The following RANBP2 variants were observed in gnomAD, a reference collection of about 807,000 sequenced individuals.
RANBP2 encodes the protein RAN binding protein 2.
Under a neutral mutation model 303.6 loss-of-function variants are expected in RANBP2, and 57 were observed. The ratio of observed to expected loss-of-function variants is 0.19; its 90% CI spans 0.15 to 0.23. The LOEUF is 0.23. Ranked by LOEUF, RANBP2 falls within the 10% of genes least tolerant of loss-of-function variation. The pLI is 1.00. For synonymous variants in RANBP2, 1,167 were observed against 1,301.5 expected (o/e 0.90, Z 2.23); for missense variants, 3,138 against 3,780.8 (o/e 0.83, Z 4.46).
At chr2:109,437,059 C>T in the RANBP2 span, 8 of 1,613,440 alleles carry the variant, frequency 5.0e-6, no homozygotes, top group South Asian at 1.1e-5. Context: ...CCACGCCCAG[C>T]ACCCCACAGC....
At chr2:109,693,371 A>C in the RANBP2 span, among the ~76,000 whole-genome samples, 1 of 151,824 alleles carries the variant, frequency 6.6e-6, no homozygotes, top group Non-Finnish European at 1.5e-5. Context: ...ACGGGGTTTC[A>C]CTGTGTGGCC....
At chr2:109,163,862 C>T in the RANBP2 span, among the ~76,000 whole-genome samples, 1 of 152,290 alleles carries the variant, frequency 6.6e-6, no homozygotes, top group African/African-American at 2.4e-5. Flanking sequence ...CTATTACCAA[C>T]TATTTGTGGT....
chr2:109,455,446 G>C, the RANBP2 span, among the ~76,000 whole-genome samples: 3 of 152,222 alleles, frequency 2.0e-5, no homozygotes, highest in African/African-American at 7.2e-5. Context: ...CAGCAGCAAG[G>C]CCTGGTCTGG....
rs371399131 is a variant in RANBP2 at position 108,719,628 on chromosome 2, G to C, written c.22G>C (p.Val8Leu). The part of the protein sequence containing the change: MRRSKAD[V>L]ERYIASVQGS... ...CGCGATGAGGCGCAGCAAGGCTGAC[G>C]TGGAGCGGTACATCGCCTCGGTGCA... is the stretch of plus-strand genomic sequence containing the variant. Residue 8 changes from valine to leucine, a missense_variant, in exon 1 of 29, where the codon GTG becomes CTG. Val to Leu is a conservative substitution (Grantham distance 32, BLOSUM62 1). Coordinates refer to ENST00000283195, the MANE Select transcript of RANBP2 (RefSeq NM_006267.5). 6.2e-7 allele frequency: 1 copy of C among 1,607,918 alleles called. No homozygotes were observed. Among genetic ancestry groups the C allele is most frequent in the African/African-American group, 1.3e-5 (1 of 74,820 alleles).
At chr2:109,097,908 C>A in the RANBP2 span, among the ~76,000 whole-genome samples, 5 of 152,114 alleles carry the variant, frequency 3.3e-5, no homozygotes, top group African/African-American at 1.2e-4. Context: ...TCCTGTCTCA[C>A]CACGGATGGA....
At chr2:109,114,065 A>G in the RANBP2 span, among the ~76,000 whole-genome samples, 1 of 152,172 alleles carries the variant, frequency 6.6e-6, no homozygotes, top group South Asian at 2.1e-4. Flanking sequence ...TTTTGCATCA[A>G]TGTTCATCAA....
chr2:109,677,056 C>T, the RANBP2 span, among the ~76,000 whole-genome samples: 3 of 152,162 alleles, frequency 2.0e-5, no homozygotes, highest in Admixed American at 6.6e-5. Context: ...GTTTGACACC[C>T]GATGGGCAGA....
At chr2:108,722,604 T>C (rs1694356275) in intron 1 of RANBP2, among the ~76,000 whole-genome samples, 1 of 145,280 alleles carries the variant, frequency 6.9e-6, no homozygotes, top group African/African-American at 2.8e-5. Context: ...AGTCTTCTCT[T>C]GTTTTGCCAT....
At chr2:109,659,386 C>CA in the RANBP2 span, among the ~76,000 whole-genome samples, 2 of 151,990 alleles carry the variant, frequency 1.3e-5, no homozygotes, top group South Asian at 4.2e-4. Context: ...AAAACACACA[C>CA]AAAAAAACAA....
rs1341546483 is a variant in RANBP2 at position 108,784,665 on chromosome 2, A to G, written c.*764A>G. The G allele has an allele frequency of 6.6e-6, 1 of 152,614 alleles. No individual in the cohort carries two copies. Among genetic ancestry groups the G allele is most frequent in the Non-Finnish European group, 1.5e-5 (1 of 68,030 alleles). The allele number at this position is 152,614 out of a possible 1,614,324, so 9.5% of individuals were successfully genotyped here. On this transcript the variant is annotated 3_prime_UTR_variant, in exon 29 of 29. Coordinates refer to ENST00000283195, the MANE Select transcript of RANBP2 (RefSeq NM_006267.5). ...TGAATTTTTCCTTGTAGTTATTGTG[A>G]TAAAGTATGAATATTTTTAGAAAGT...
the RANBP2 span, among the ~76,000 whole-genome samples, chr2:109,179,003 ATGTGTGTGTGTGTG>A: frequency 7.0e-6 from 1 of 142,066 alleles, no homozygotes; most frequent in East Asian, 2.0e-4. Context: ...AAGTATAATA[ATGTGTGTGTGTGTG>A]TGTGTGTGTG....
the RANBP2 span, among the ~76,000 whole-genome samples, chr2:109,181,104 TGAG>T: frequency 4.2e-4 from 64 of 152,240 alleles, no homozygotes; most frequent in South Asian, 6.2e-4. Flanking sequence ...GTGGAGGTGG[TGAG>T]GAGAAGTGAT....
the RANBP2 span, among the ~76,000 whole-genome samples, chr2:109,032,671 C>T: frequency 9.9e-5 from 15 of 152,158 alleles, no homozygotes; most frequent in African/African-American, 1.4e-4. Flanking sequence ...CACAGTCGGG[C>T]CACCTCTCAC....
chr2:109,070,434 C>T, the RANBP2 span, among the ~76,000 whole-genome samples: 1 of 152,028 alleles, frequency 6.6e-6, no homozygotes, highest in Non-Finnish European at 1.5e-5. Context: ...AAATGTGATG[C>T]TCAGTGTTGG....
rs367912988 is a variant in RANBP2, at chr2:108,755,163, T to C, written c.2383-13T>C. On this transcript the variant is annotated splice_polypyrimidine_tract_variant and intron_variant, in intron 16 of 28. Coordinates refer to ENST00000283195, the MANE Select transcript of RANBP2 (RefSeq NM_006267.5). ...GTTTTAAATGCTGTTTTGTTATTTT[T>C]ATTTTTTTTTAGTATTCTCCCAAAA... 3.1e-6 allele frequency: 5 copies of C among 1,611,698 alleles called. No homozygotes were observed. In the African/African-American group the frequency reaches 5.4e-5, roughly 17 times the overall value.
chr2:109,670,041 G>A, the RANBP2 span, among the ~76,000 whole-genome samples: 53 of 152,250 alleles, frequency 3.5e-4, no homozygotes, highest in African/African-American at 1.1e-3. Context: ...GCAGTGAGGC[G>A]AGCCACGATG....
chr2:109,243,004 G>C, the RANBP2 span, among the ~76,000 whole-genome samples: 2 of 152,258 alleles, frequency 1.3e-5, no homozygotes, highest in African/African-American at 4.8e-5. Flanking sequence ...TATTCTGAGT[G>C]TTTGAGACTA....
At chr2:108,910,987 G>A in the RANBP2 span, 3 of 1,614,174 alleles carry the variant, frequency 1.9e-6, no homozygotes, top group African/African-American at 4.0e-5. Context: ...AGAACATGAT[G>A]ATGAGGACGA....
chr2:109,374,610 G>A, the RANBP2 span, among the ~76,000 whole-genome samples: 2 of 152,170 alleles, frequency 1.3e-5, no homozygotes, highest in Non-Finnish European at 2.9e-5. Context: ...ACAGGCAGCC[G>A]GCACAGTCCC....
Sources: allele counts gnomAD v4.1 joint callset (sites outside exome capture counted in the v4.1 genomes callset), GRCh38; gene constraint gnomAD v4.1.1; transcripts MANE v1.5; gene names NCBI Gene and HGNC (gene_info 2026-07-23, HGNC 2026-07-21).